The following CPSF3 variants were observed in gnomAD, a reference collection of about 807,000 sequenced individuals.
CPSF3 encodes cleavage and polyadenylation specificity factor subunit 3.
In CPSF3, 57 loss-of-function variants were observed where a neutral mutation model predicts 84.1. That is an observed-to-expected ratio of 0.68 (90% CI 0.55 to 0.85). The LOEUF is 0.85. Among genes scored for constraint, CPSF3 ranks in the 40% least tolerant of loss-of-function variants. CPSF3 has a pLI of 0.00. For synonymous variants in CPSF3, 275 were observed against 278.1 expected, an observed-to-expected ratio of 0.99 and a Z score of 0.11; for missense variants, 522 against 838.8, an observed-to-expected ratio of 0.62 and a Z score of 4.66.
chr2:9,460,172 C>A (rs1681686735), intron 15 of CPSF3, among the ~76,000 whole-genome samples: 1 of 152,048 alleles, frequency 6.6e-6, no homozygotes, highest in South Asian at 2.1e-4. Flanking sequence ...AGAAACAGTC[C>A]TCTTAAAAAT....
chr2:9,466,244 G>GCA lies in CPSF3; in HGVS notation c.1787-1461_1787-1460dup, dbSNP rs1681919252. Among the ~76,000 whole-genome samples, 4 of 114,626 alleles carry GCA rather than the reference G, an allele frequency of 3.5e-5. No homozygotes were observed. The South Asian group carries it at 8.2e-4, about 23-fold the overall frequency. The allele number at this position is 114,626 out of a possible 152,430, so 75.2% of individuals were successfully genotyped here. On this transcript the variant is annotated intron_variant, in intron 15 of 17. Coordinates refer to ENST00000238112, the MANE Select transcript of CPSF3 (RefSeq NM_016207.4). ...CACGCACACACACACGTGCGCGCAC[G>GCA]CACGCGCACACACGCACACAAAGAC...
intron 2 of CPSF3, 53 bp from the exon 3 acceptor site, chr2:9,429,870 G>A: frequency 1.6e-6 from 2 of 1,258,930 alleles, no homozygotes; most frequent in Admixed American, 4.1e-5. Flanking sequence ...TTTGCCGAAT[G>A]AATTTTAATA....
intron 11 of CPSF3, among the ~76,000 whole-genome samples, chr2:9,449,517 G>C (rs945232406): frequency 1.3e-5 from 2 of 152,156 alleles, no homozygotes; most frequent in Non-Finnish European, 2.9e-5. Context: ...CAAGTCAGGC[G>C]AATCGCTTTA....
intron 17 of CPSF3, 54 bp downstream of exon 17, chr2:9,471,493 CATAA>C (rs1682163086): frequency 9.4e-7 from 1 of 1,058,904 alleles, no homozygotes; most frequent in Non-Finnish European, 1.5e-6. Flanking sequence ...AAAGTGAAGG[CATAA>C]ATAATCTGTG....
chr2:9,438,023 T>C (rs1680845403), intron 7 of CPSF3, among the ~76,000 whole-genome samples: 1 of 152,184 alleles, frequency 6.6e-6, no homozygotes, highest in African/African-American at 2.4e-5. Context: ...AATAATAAAA[T>C]GGGTGCTTTG....
intron 7 of CPSF3, among the ~76,000 whole-genome samples, chr2:9,439,998 T>C (rs1444598584): frequency 6.6e-6 from 1 of 151,026 alleles, no homozygotes; most frequent in Admixed American, 6.6e-5. Flanking sequence ...CAAACAATAA[T>C]AGCATAATAT....
chr2:9,451,910 G>T (rs964696027), intron 11 of CPSF3, among the ~76,000 whole-genome samples: 1 of 151,918 alleles, frequency 6.6e-6, no homozygotes. Context: ...TAGAGACGGG[G>T]TTTCATTATA....
Position 9,423,781 on chromosome 2 carries a change from C to T in CPSF3, c.8C>T (p.Ala3Val). ...CGCCCTCACACTTTCGGGATGTCTG[C>T]GATTCCTGCTGAGGAGAGCGACCAG... MS[A>V]IPAEESDQLL... The change falls in exon 1 of 18, where the codon GCG becomes GTG. Residue 3 changes from alanine (A) to valine (V), a missense_variant. Around this residue, in one of 2 missense-constraint regions of CPSF3, gnomAD observed 329 missense variants for 607.2 expected, o/e 0.54. Transcript: ENST00000238112. 1 of 1,613,488 alleles carries T rather than the reference C, an allele frequency of 6.2e-7. No homozygotes were observed. The highest frequency in any genetic ancestry group is 8.5e-7 in the Non-Finnish European group (1 of 1,179,732).
At chr2:9,442,447 A>G (rs1342278209) in intron 9 of CPSF3, among the ~76,000 whole-genome samples, 3 of 152,258 alleles carry the variant, frequency 2.0e-5, no homozygotes, top group Non-Finnish European at 2.9e-5. Flanking sequence ...GCATCCAGGC[A>G]TCACATTCTC....
At chr2:9,435,815 C>T (rs974145935) in intron 6 of CPSF3, among the ~76,000 whole-genome samples, 1 of 152,074 alleles carries the variant, frequency 6.6e-6, no homozygotes, top group African/African-American at 2.4e-5. Context: ...TCACTGCAAC[C>T]TCCTCCTCCT....
chr2:9,452,405 A>G (rs982558764), intron 11 of CPSF3, among the ~76,000 whole-genome samples: 8 of 151,462 alleles, frequency 5.3e-5, no homozygotes, highest in Non-Finnish European at 1.2e-4. Flanking sequence ...TTATTCTCTT[A>G]AAAATGTTTC....
At position 9,442,704 on chromosome 2, in the gene CPSF3, T is replaced by C. The variant is rs1351570007; in HGVS notation, c.1095+728T>C. On this transcript the variant is annotated intron_variant, in intron 9 of 17. Transcript: ENST00000238112. ...CGTCTCTACTAAAAATACAAAAAAT[T>C]AGCTGGGCGTGGTGGCGTATGCCTG... Among the ~76,000 whole-genome samples the C allele has an allele frequency of 1.3e-5, 2 of 151,934 alleles. 1 individual carries two copies. Among genetic ancestry groups the C allele is most frequent in the South Asian group, 4.1e-4 (2 of 4,820 alleles).
At chr2:9,459,651 T>C in intron 15 of CPSF3, 33 bp downstream of exon 15, 1 of 998,552 alleles carries the variant, frequency 1.0e-6, no homozygotes, top group Non-Finnish European at 1.4e-6. Context: ...TTTTTTTTTT[T>C]TTTTTTTTTT....
intron 4 of CPSF3, among the ~76,000 whole-genome samples, chr2:9,431,517 A>G (rs1680585615): frequency 9.9e-6 from 1 of 101,166 alleles, no homozygotes; most frequent in East Asian, 1.9e-4. Flanking sequence ...ACAAAGATAA[A>G]TAAATATACA....
intron 7 of CPSF3, 147 bp from the exon 8 acceptor site, chr2:9,440,344 A>C: frequency 1.5e-6 from 1 of 668,366 alleles, no homozygotes; most frequent in East Asian, 2.8e-5. Flanking sequence ...AACCAGGATA[A>C]TTTTGCTTAA....
chr2:9,441,034 A>G (rs1163159336), intron 8 of CPSF3, among the ~76,000 whole-genome samples: 1 of 152,234 alleles, frequency 6.6e-6, no homozygotes, highest in Non-Finnish European at 1.5e-5. Flanking sequence ...ATGTGTTCTC[A>G]GTATTTATAA....
Position 9,467,770 on chromosome 2 carries a change from T to C in CPSF3, c.1850T>C (p.Met617Thr). 1 of 1,605,636 alleles carries C rather than the reference T, an allele frequency of 6.2e-7. No individual in the cohort carries two copies. Residue 617 changes from methionine (M) to threonine (T), a missense_variant, in exon 16 of 18, where the codon ATG (methionine) becomes ACG (threonine). Coordinates refer to ENST00000238112, the MANE Select transcript of CPSF3 (RefSeq NM_016207.4). ...GTTTACAGCAAGAGGTTGGAGATCA[T>C]GCTCCAGTAAGTTTTTCACCCATTA... ...MHVYSKRLEI[M>T]LQDIFGEDCV...
Position 9,436,210 on chromosome 2 carries a change from G to A in CPSF3, c.610-1G>A, listed in dbSNP as rs754761500. ...TCTCACACTTCTAATGTATTATTTA[G>A]GAATCTACTTATGGGACCCATATCC... On this transcript the variant is annotated splice_acceptor_variant, in intron 6 of 17. Transcript: ENST00000238112. LOFTEE classifies it high-confidence loss of function. 1 of 1,590,226 alleles carries A rather than the reference G, an allele frequency of 6.3e-7. No homozygotes were observed. The highest frequency in any genetic ancestry group is 8.5e-7 in the Non-Finnish European group (1 of 1,169,900).
Position 9,455,762 on chromosome 2 carries a change from G to C in CPSF3, c.1603+5G>C. 1 of 1,588,286 alleles carries C rather than the reference G, an allele frequency of 6.3e-7. No individual in the cohort carries two copies. The highest frequency in any genetic ancestry group is 1.1e-5 in the South Asian group (1 of 88,968). On this transcript the variant is annotated splice_donor_5th_base_variant and intron_variant, in intron 13 of 17. Coordinates refer to ENST00000238112, the MANE Select transcript of CPSF3 (RefSeq NM_016207.4). The stretch of plus-strand genomic sequence containing the variant: ...ACCAGCTGCAGAAATTGACAGGTGT[G>C]TGTGTGTACTGAAATTCATTTCATT...
Sources: gnomAD v4.1 joint callset for allele counts (sites outside exome capture counted in the v4.1 genomes callset) on GRCh38, gnomAD v4.1.1 for gene constraint, gnomAD v4.1.1 regional missense constraint, MANE v1.5 for transcripts, NCBI Gene and HGNC (gene_info 2026-07-23, HGNC 2026-07-21) for gene names.